CSMD3: variants seen among roughly 807,000 people sequenced by gnomAD.
CSMD3 encodes the protein CUB and Sushi multiple domains 3.
A neutral mutation model predicts 435.2 loss-of-function variants in CSMD3; 177 were observed. The ratio of observed to expected loss-of-function variants is 0.41; its 90% confidence interval spans 0.36 to 0.46. The LOEUF (loss-of-function observed/expected upper bound fraction) is 0.46. Among genes scored for constraint, CSMD3 ranks in the 20% least tolerant of loss-of-function variants. CSMD3 has a pLI of 0.34. For synonymous variants in CSMD3, 1,656 were observed against 1,520.5 expected (o/e 1.09, Z -2.07); for missense variants, 4,265 against 4,504.6 (o/e 0.95, Z 1.52).
chr8:112,682,718 G>A, intron 15 of CSMD3, 82 bp from the exon 16 acceptor site: 1 of 921,632 alleles, frequency 1.1e-6, no homozygotes, highest in Non-Finnish European at 1.8e-6. Context: ...GGAAAAGAGA[G>A]AGAGAGAAAG....
intron 27 of CSMD3, among the ~76,000 whole-genome samples, chr8:112,547,346 C>A (rs1425392796): frequency 6.6e-6 from 1 of 151,662 alleles, no homozygotes; most frequent in Non-Finnish European, 1.5e-5. Context: ...ATTAAAATAC[C>A]ATTACCAGCC....
chr8:112,778,895 T>C (rs915753501), intron 13 of CSMD3, among the ~76,000 whole-genome samples: 1 of 151,998 alleles, frequency 6.6e-6, no homozygotes, highest in Non-Finnish European at 1.5e-5. Context: ...GCTAGTACTA[T>C]CTCATTGTTT....
chr8:113,291,628 AC>A (rs1446816793), intron 2 of CSMD3, among the ~76,000 whole-genome samples: 2 of 151,798 alleles, frequency 1.3e-5, no homozygotes, highest in Non-Finnish European at 2.9e-5. Context: ...TAGACAAGAA[AC>A]CACCATTGTC....
At chr8:113,395,507 G>T (rs1333425113) in intron 1 of CSMD3, among the ~76,000 whole-genome samples, 1 of 151,646 alleles carries the variant, frequency 6.6e-6, no homozygotes, top group African/African-American at 2.4e-5. Context: ...TATTCGGGAG[G>T]CTGAGGCAGG....
chr8:112,548,849 C>T (rs992656401), intron 27 of CSMD3, among the ~76,000 whole-genome samples: 3 of 152,078 alleles, frequency 2.0e-5, no homozygotes, highest in East Asian at 3.9e-4. Context: ...GATCAAATTT[C>T]TATTCATCTT....
intron 3 of CSMD3, among the ~76,000 whole-genome samples, chr8:113,199,690 T>G (rs2092697706): frequency 6.6e-6 from 1 of 151,734 alleles, no homozygotes; most frequent in African/African-American, 2.4e-5. Flanking sequence ...AGCCACAACA[T>G]TAATAAATAA....
chr8:113,286,862 T>C (rs529880736), intron 2 of CSMD3, among the ~76,000 whole-genome samples: 2 of 151,312 alleles, frequency 1.3e-5, no homozygotes, highest in East Asian at 1.9e-4. Flanking sequence ...AAAATAGACA[T>C]GGATGTAAGA....
intron 37 of CSMD3, among the ~76,000 whole-genome samples, chr8:112,383,286 C>A (rs1040150283): frequency 1.3e-4 from 20 of 152,076 alleles, no homozygotes; most frequent in African/African-American, 4.8e-4. Flanking sequence ...AGCGTACATA[C>A]TATTCCTGAA....
intron 52 of CSMD3, among the ~76,000 whole-genome samples, chr8:112,304,412 A>T (rs1195733441): frequency 6.6e-6 from 1 of 151,528 alleles, no homozygotes; most frequent in African/African-American, 2.4e-5. Flanking sequence ...AGTATAAAAC[A>T]TATAAAGGAC....
chr8:113,144,372 C>G (rs2091622147), intron 4 of CSMD3, among the ~76,000 whole-genome samples: 2 of 151,370 alleles, frequency 1.3e-5, no homozygotes, highest in Admixed American at 1.3e-4. Flanking sequence ...TGCCCCACAA[C>G]TCTGCTGGCC....
Position 113,101,652 on chromosome 8 carries a change from T to C in CSMD3, c.710-2689A>G, listed in dbSNP as rs1204704319. Among the ~76,000 whole-genome samples, 4 of 151,994 alleles carry C rather than the reference T, an allele frequency of 2.6e-5. No homozygotes were observed. In the East Asian group the frequency reaches 7.7e-4, roughly 29 times the overall value. On this transcript the variant is annotated intron_variant, in intron 4 of 70. Coordinates refer to ENST00000297405, the MANE Select transcript of CSMD3 (RefSeq NM_198123.2). ...AAATCTTGATTTTACAGCAAAATAA[T>C]TTCTGTTCAAATGTATGACTAATTT...
At position 112,976,002 on chromosome 8, in the gene CSMD3, C is replaced by T. The variant is rs746262199; in HGVS notation, c.1177G>A (p.Glu393Lys). 1 of 1,613,932 alleles carries T rather than the reference C, an allele frequency of 6.2e-7. No homozygotes were observed. Among genetic ancestry groups the T allele is most frequent in the East Asian group, 2.2e-5 (1 of 44,848 alleles). ...AGACTCGTAACTTGCACTCGCTGTTCCTCGGAAAGTCTATGGATGGTGACA... is the reference window on the plus strand; with the variant it reads ...AGACTCGTAACTTGCACTCGCTGTTTCTCGGAAAGTCTATGGATGGTGACA... ...TAVTIHRLSE[E>K]QRVQVTSLRN... The change falls in exon 7 of 71, where the codon GAA becomes AAA. Residue 393 changes from glutamate to lysine, a missense_variant. Transcript: ENST00000297405.
chr8:113,097,042 G>C (rs763070919), intron 5 of CSMD3, among the ~76,000 whole-genome samples: 1 of 151,840 alleles, frequency 6.6e-6, no homozygotes, highest in African/African-American at 2.4e-5. Context: ...GATGACAATG[G>C]GTAAGTCATG....
chr8:113,061,228 G>A (rs1452019293), intron 5 of CSMD3, among the ~76,000 whole-genome samples: 1 of 152,050 alleles, frequency 6.6e-6, no homozygotes, highest in Non-Finnish European at 1.5e-5. Context: ...TCACTCTTGT[G>A]TTTTGGAAGG....
chr8:112,966,365 T>G (rs1481122307), intron 7 of CSMD3, among the ~76,000 whole-genome samples: 3 of 151,630 alleles, frequency 2.0e-5, no homozygotes, highest in Non-Finnish European at 4.4e-5. Flanking sequence ...TTTCACCATA[T>G]ATATAAAATA....
chr8:113,288,634 T>C (rs1440162129), intron 2 of CSMD3, among the ~76,000 whole-genome samples: 1 of 151,868 alleles, frequency 6.6e-6, no homozygotes, highest in Non-Finnish European at 1.5e-5. Context: ...AATTAATCAA[T>C]TTAAATATAT....
chr8:112,596,898 C>T (rs375793109), intron 22 of CSMD3, among the ~76,000 whole-genome samples: 24,592 of 151,070 alleles, frequency 0.16, 2,365 homozygotes, highest in Middle Eastern at 0.35. Flanking sequence ...GCACTAAATG[C>T]CCACAAGAGA....
intron 4 of CSMD3, among the ~76,000 whole-genome samples, chr8:113,105,730 A>G (rs183953687): frequency 5.8e-4 from 88 of 152,314 alleles, no homozygotes; most frequent in Middle Eastern, 3.4e-3. Context: ...TTAAAAATGC[A>G]ATACTTAAAG....
chr8:113,399,944 C>CTG (rs539018025), intron 1 of CSMD3, among the ~76,000 whole-genome samples: 8 of 112,758 alleles, frequency 7.1e-5, no homozygotes, highest in African/African-American at 1.9e-4. Context: ...TACCTCTATT[C>CTG]TGTGTATATA....
Sources: gnomAD v4.1 joint callset for allele counts (sites outside exome capture counted in the v4.1 genomes callset) on GRCh38, gnomAD v4.1.1 for gene constraint, MANE v1.5 for transcripts, NCBI Gene and HGNC (gene_info 2026-07-23, HGNC 2026-07-21) for gene names.